Variants in GLIS1 observed in about 807,000 individuals in gnomAD.
The protein encoded by GLIS1 is GLIS family zinc finger 1, also known as zinc finger protein GLIS1.
GLIS1 carries 24 observed loss-of-function variants against 63.8 expected under a neutral mutation model. That is an observed-to-expected ratio of 0.38 (90% CI 0.27 to 0.53). GLIS1 has a LOEUF of 0.53. Among genes scored for constraint, GLIS1 ranks in the 20% least tolerant of loss-of-function variants. The probability of loss-of-function intolerance (pLI) is 0.85; values close to 1 mark genes in which losing one functional copy is unlikely to be tolerated. For synonymous variants in GLIS1, 450 were observed against 482.5 expected (o/e 0.93, Z 0.88); for missense variants, 1,036 against 1,074.1 (o/e 0.96, Z 0.50).
intron 2 of GLIS1, among the ~76,000 whole-genome samples, chr1:53,609,030 A>T (rs1327463983): frequency 1.3e-4 from 20 of 152,186 alleles, no homozygotes; most frequent in Admixed American, 1.3e-3. Flanking sequence ...CAGAGAAACT[A>T]AGTCACAGCA....
At chr1:53,547,559 C>T (rs1387063306) in intron 4 of GLIS1, among the ~76,000 whole-genome samples, 1 of 152,218 alleles carries the variant, frequency 6.6e-6, no homozygotes, top group Non-Finnish European at 1.5e-5. Context: ...AGGCAGGGCT[C>T]CCCCAGCACA....
intron 6 of GLIS1, among the ~76,000 whole-genome samples, chr1:53,522,754 A>G (rs1372708699): frequency 6.6e-6 from 1 of 151,990 alleles, no homozygotes; most frequent in Non-Finnish European, 1.5e-5. Flanking sequence ...TACAAAAAAA[A>G]TATATTAAAA....
chr1:53,724,587 A>C (rs1646787321), intron 2 of GLIS1, among the ~76,000 whole-genome samples: 1 of 152,114 alleles, frequency 6.6e-6, no homozygotes, highest in Admixed American at 6.5e-5. Context: ...TGGCTTGACT[A>C]CAGTTCACTG....
Position 53,632,728 on chromosome 1 carries a change from G to A in GLIS1, c.260-32450C>T, listed in dbSNP as rs1224818011. ...GTGAATGAGTGTGACTGAGGGGCATGTATATGTGTGACCGAGGGGCGTGTG... is the reference window on the plus strand; with the variant it reads ...GTGAATGAGTGTGACTGAGGGGCATATATATGTGTGACCGAGGGGCGTGTG... On this transcript the variant is annotated intron_variant, in intron 2 of 10. Coordinates refer to ENST00000628545, the MANE Select transcript of GLIS1 (RefSeq NM_001367484.1). Among the ~76,000 whole-genome samples, 4 of 151,100 alleles carry A rather than the reference G, an allele frequency of 2.6e-5. No individual in the cohort carries two copies. In the East Asian group the frequency reaches 5.9e-4, roughly 22 times the overall value.
chr1:53,652,158 T>C (rs1341560131), intron 2 of GLIS1, among the ~76,000 whole-genome samples: 1 of 152,236 alleles, frequency 6.6e-6, no homozygotes, highest in Non-Finnish European at 1.5e-5. Context: ...CGGGCTGTTC[T>C]GTGAATTCTG....
intron 2 of GLIS1, among the ~76,000 whole-genome samples, chr1:53,701,991 T>C (rs1471860698): frequency 1.2e-4 from 6 of 51,974 alleles, no homozygotes; most frequent in East Asian, 5.1e-4. Context: ...AGGCTCTACC[T>C]AAAAAAGAAA....
chr1:53,561,019 C>T (rs1297213352), intron 4 of GLIS1, among the ~76,000 whole-genome samples: 2 of 152,082 alleles, frequency 1.3e-5, no homozygotes, highest in Non-Finnish European at 2.9e-5. Flanking sequence ...ACTGTGTGCC[C>T]CCAGGACCGA....
At chr1:53,606,264 A>G (rs982402681) in intron 2 of GLIS1, among the ~76,000 whole-genome samples, 1 of 152,184 alleles carries the variant, frequency 6.6e-6, no homozygotes, top group Non-Finnish European at 1.5e-5. Context: ...GGCAGTGGGC[A>G]TCAGCCGCCA....
intron 2 of GLIS1, among the ~76,000 whole-genome samples, chr1:53,634,489 A>C (rs564098726): frequency 3.3e-5 from 5 of 152,148 alleles, no homozygotes; most frequent in African/African-American, 1.2e-4. Context: ...GGCGTGTAGA[A>C]CGCTCAGCTG....
chr1:53,538,159 C>T (rs1029029113), intron 4 of GLIS1, among the ~76,000 whole-genome samples: 2 of 152,198 alleles, frequency 1.3e-5, no homozygotes, highest in Admixed American at 1.3e-4. Context: ...CGCCAGTCCT[C>T]TGTGGGGAGG....
chr1:53,630,609 C>T (rs1645641740), intron 2 of GLIS1, among the ~76,000 whole-genome samples: 1 of 152,204 alleles, frequency 6.6e-6, no homozygotes, highest in African/African-American at 2.4e-5. Context: ...AATTCTCCTG[C>T]CTCAGCCTCC....
At chr1:53,532,389 T>C (rs1644540466) in intron 4 of GLIS1, among the ~76,000 whole-genome samples, 1 of 152,064 alleles carries the variant, frequency 6.6e-6, no homozygotes, top group Non-Finnish European at 1.5e-5. Context: ...CCGGGACAGC[T>C]CCCTCTGCGC....
At chr1:53,735,115 C>T (rs2100583007) in intron 2 of GLIS1, among the ~76,000 whole-genome samples, 1 of 152,306 alleles carries the variant, frequency 6.6e-6, no homozygotes, top group South Asian at 2.1e-4. Context: ...GCATCTGAAA[C>T]CTGACCCCAG....
intron 4 of GLIS1, among the ~76,000 whole-genome samples, chr1:53,563,599 T>C (rs1323077770): frequency 1.3e-5 from 2 of 152,038 alleles, no homozygotes; most frequent in Non-Finnish European, 2.9e-5. Flanking sequence ...ATAAGAAATA[T>C]AGCAGCCAGA....
intron 4 of GLIS1, among the ~76,000 whole-genome samples, chr1:53,565,378 A>G (rs574414692): frequency 1.3e-5 from 2 of 152,232 alleles, no homozygotes; most frequent in South Asian, 4.1e-4. Flanking sequence ...AGGAGATAAT[A>G]AAGATAAAAG....
At position 53,598,666 on chromosome 1, in the gene GLIS1, C is replaced by A. The variant is rs1302259351; in HGVS notation, c.437+1435G>T. 5.3e-5 allele frequency among the ~76,000 whole-genome samples: 8 copies of A among 152,216 alleles called. No homozygotes were observed. Among genetic ancestry groups the A allele is most frequent in the Non-Finnish European group, 5.9e-5 (4 of 68,038 alleles). On this transcript the variant is annotated intron_variant, in intron 3 of 10. Transcript: ENST00000628545. The surrounding 1 kb of genome is among the most constrained non-coding windows in gnomAD (Gnocchi z 4.6). ...CAAACCTGCTGGCACATCAGTCCTG[C>A]ACTTCTAGCCTCCAGAATGGTGAGA...
chr1:53,731,121 G>A (rs1646855702), intron 2 of GLIS1, among the ~76,000 whole-genome samples: 1 of 152,216 alleles, frequency 6.6e-6, no homozygotes, highest in Non-Finnish European at 1.5e-5. Flanking sequence ...TGGCAAGAAA[G>A]ACTCAGACAG....
intron 7 of GLIS1, among the ~76,000 whole-genome samples, chr1:53,515,991 T>A (rs1644348868): frequency 6.6e-6 from 1 of 152,148 alleles, no homozygotes; most frequent in Non-Finnish European, 1.5e-5. Context: ...TTTATTTTGA[T>A]AGCAATTGAC....
At chr1:53,714,262 G>C (rs1254760504) in intron 2 of GLIS1, among the ~76,000 whole-genome samples, 1 of 152,184 alleles carries the variant, frequency 6.6e-6, no homozygotes, top group Non-Finnish European at 1.5e-5. Flanking sequence ...AGCCTCACAA[G>C]AGTGTTGAAA....
Sources: allele counts gnomAD v4.1 joint callset (sites outside exome capture counted in the v4.1 genomes callset), GRCh38; gene constraint gnomAD v4.1.1; non-coding constraint Gnocchi (gnomAD v3.1); transcripts MANE v1.5; gene names NCBI Gene and HGNC (gene_info 2026-07-23, HGNC 2026-07-21).